Variants in RABGAP1L observed in about 807,000 individuals in gnomAD.
The protein encoded by RABGAP1L is RAB GTPase activating protein 1 like.
A neutral mutation model predicts 137.7 loss-of-function variants in RABGAP1L; 63 were observed. The observed-to-expected ratio is 0.46, with a 90% confidence interval of 0.37 to 0.56. RABGAP1L has a LOEUF of 0.56. Among genes scored for constraint, RABGAP1L ranks in the 20% least tolerant of loss-of-function variants. The pLI, the probability that RABGAP1L is intolerant of heterozygous loss-of-function variation, is 0.00. For missense variants in RABGAP1L, 1,095 were observed against 1,244.0 expected, an observed-to-expected ratio of 0.88 and a Z score of 1.80; for synonymous variants, 431 against 433.7, an observed-to-expected ratio of 0.99 and a Z score of 0.08.
At chr1:174,941,169 A>G (rs760633565) in intron 19 of RABGAP1L, among the ~76,000 whole-genome samples, 10 of 152,120 alleles carry the variant, frequency 6.6e-5, no homozygotes, top group Non-Finnish European at 1.5e-4. Context: ...GTCCCTCCCT[A>G]TACCCCTCTC....
intron 13 of RABGAP1L, among the ~76,000 whole-genome samples, chr1:174,537,233 C>T (rs937296831): frequency 9.2e-5 from 14 of 152,134 alleles, no homozygotes; most frequent in Non-Finnish European, 1.6e-4. Flanking sequence ...GAATGAGTTG[C>T]TATGACAGTT....
chr1:174,351,795 TG>T lies in RABGAP1L; in HGVS notation c.1466-19183del, dbSNP rs531725867. On this transcript the variant is annotated intron_variant, in intron 11 of 25. Transcript: ENST00000681986. ...TGGGAAGTTCTCTGTGTGTTTTTTT[TG>T]TTTTGTTTTGTTTTGTTTTGTTTGA... 9.1e-3 allele frequency among the ~76,000 whole-genome samples: 1,320 copies of T among 145,810 alleles called. 17 individuals carry two copies. Among genetic ancestry groups the T allele is most frequent in the African/African-American group, 0.033 (1,261 of 38,432 alleles).
intron 13 of RABGAP1L, among the ~76,000 whole-genome samples, chr1:174,438,973 A>G (rs1259395704): frequency 1.3e-5 from 2 of 151,450 alleles, no homozygotes; most frequent in African/African-American, 2.4e-5. Flanking sequence ...AAATTTATTC[A>G]TTAATTCTAG....
intron 11 of RABGAP1L, among the ~76,000 whole-genome samples, chr1:174,339,210 G>GT (rs556952555): frequency 4.7e-4 from 71 of 151,246 alleles, no homozygotes; most frequent in East Asian, 1.9e-3. Flanking sequence ...AAAAATTAAA[G>GT]TTTTTTTTTG....
At chr1:174,268,729 A>G (rs1674295063) in intron 7 of RABGAP1L, among the ~76,000 whole-genome samples, 1 of 152,188 alleles carries the variant, frequency 6.6e-6, no homozygotes, top group African/African-American at 2.4e-5. Flanking sequence ...AAGCCGTATT[A>G]GTGATACAGA....
At chr1:174,224,426 C>T (rs1414140680) in intron 3 of RABGAP1L, among the ~76,000 whole-genome samples, 1 of 152,132 alleles carries the variant, frequency 6.6e-6, no homozygotes, top group Admixed American at 6.6e-5. Context: ...GCCAAGATTA[C>T]ACCACTGCAC....
At chr1:174,833,453 T>TA (rs1692376631) in intron 19 of RABGAP1L, among the ~76,000 whole-genome samples, 1 of 40,808 alleles carries the variant, frequency 2.5e-5, no homozygotes, top group Non-Finnish European at 1.0e-4. Flanking sequence ...TGTAGAGATA[T>TA]ATATATATAT....
At position 174,448,780 on chromosome 1, in the gene RABGAP1L, C is replaced by T. The variant is rs1655090191; in HGVS notation, c.1710+54635C>T. 1 of 1,613,862 alleles carries T rather than the reference C, an allele frequency of 6.2e-7. No homozygotes were observed. The highest frequency in any genetic ancestry group is 8.5e-7 in the Non-Finnish European group (1 of 1,179,804). ...CTGCCTTTGTTGTCTGCTTCACTTA[C>T]TTCCACATTTTCAAAATTTGCCGTC... is the stretch of plus-strand genomic sequence containing the variant. On this transcript the variant is annotated intron_variant, in intron 13 of 25. Transcript: ENST00000681986. This position sits in a 1 kb window ranked among gnomAD's most constrained non-coding sequence, Gnocchi z 4.2.
At chr1:174,657,837 C>T (rs892568999) in intron 14 of RABGAP1L, among the ~76,000 whole-genome samples, 1 of 152,016 alleles carries the variant, frequency 6.6e-6, no homozygotes, top group Non-Finnish European at 1.5e-5. Context: ...GTCGTTTGCC[C>T]CAATTTGTAT....
At chr1:174,300,493 C>T (rs975721281) in intron 10 of RABGAP1L, among the ~76,000 whole-genome samples, 1 of 143,792 alleles carries the variant, frequency 7.0e-6, no homozygotes, top group East Asian at 2.1e-4. Context: ...TGTGCCATTG[C>T]ACTCCACCCT....
chr1:174,243,930 A>T (rs1672040907), intron 5 of RABGAP1L, among the ~76,000 whole-genome samples: 1 of 152,170 alleles, frequency 6.6e-6, no homozygotes, highest in South Asian at 2.1e-4. Flanking sequence ...ACAAATGTGG[A>T]TTTTTGTATT....
chr1:174,839,900 C>G (rs143229845), intron 19 of RABGAP1L, among the ~76,000 whole-genome samples: 34 of 152,208 alleles, frequency 2.2e-4, no homozygotes, highest in Middle Eastern at 6.8e-3. Flanking sequence ...AAGTTAGAGA[C>G]AAGAGTCGGA....
At chr1:174,960,725 C>A (rs1431384909) in intron 20 of RABGAP1L, among the ~76,000 whole-genome samples, 2 of 151,994 alleles carry the variant, frequency 1.3e-5, no homozygotes, top group Admixed American at 6.6e-5. Context: ...CCAGAGGTAC[C>A]TGTTTAGAAG....
chr1:174,680,968 C>T (rs2148473462), intron 14 of RABGAP1L, among the ~76,000 whole-genome samples: 1 of 152,192 alleles, frequency 6.6e-6, no homozygotes, highest in South Asian at 2.1e-4. Context: ...TATCAATTGT[C>T]TAAAAGTACA....
intron 19 of RABGAP1L, among the ~76,000 whole-genome samples, chr1:174,947,967 C>T (rs1667138371): frequency 6.6e-6 from 1 of 152,232 alleles, no homozygotes; most frequent in East Asian, 1.9e-4. Flanking sequence ...AATGGATATT[C>T]CCTTAGGAAG....
At chr1:174,432,984 T>C (rs1344644850) in intron 13 of RABGAP1L, among the ~76,000 whole-genome samples, 1 of 152,178 alleles carries the variant, frequency 6.6e-6, no homozygotes, top group Non-Finnish European at 1.5e-5. Context: ...TAGATAGAAA[T>C]CTTACTGATG....
At chr1:174,209,539 G>T (rs1383568055) in intron 1 of RABGAP1L, among the ~76,000 whole-genome samples, 2 of 152,210 alleles carry the variant, frequency 1.3e-5, no homozygotes, top group African/African-American at 4.8e-5. Flanking sequence ...ATGAGTGGAA[G>T]AATTGTGTCT....
chr1:174,923,118 A>G (rs1186565279), intron 19 of RABGAP1L, among the ~76,000 whole-genome samples: 2 of 149,452 alleles, frequency 1.3e-5, no homozygotes, highest in African/African-American at 5.0e-5. Context: ...TGTACTCCAG[A>G]TTGTGTGACA....
chr1:174,438,444 C>T (rs115087710), intron 13 of RABGAP1L, among the ~76,000 whole-genome samples: 2,039 of 151,940 alleles, frequency 0.013, 49 homozygotes, highest in African/African-American at 0.045. Context: ...GTAGGCTGGG[C>T]GCAGTGGCTC....
Sources: allele counts gnomAD v4.1 joint callset (sites outside exome capture counted in the v4.1 genomes callset), GRCh38; gene constraint gnomAD v4.1.1; non-coding constraint Gnocchi (gnomAD v3.1); transcripts MANE v1.5; gene names NCBI Gene and HGNC (gene_info 2026-07-23, HGNC 2026-07-21).